The following SGCZ variants were observed in gnomAD, a reference collection of about 807,000 sequenced individuals.
SGCZ encodes the protein zeta-sarcoglycan.
In SGCZ, 40 loss-of-function variants were observed where a neutral mutation model predicts 41.3. The observed-to-expected ratio is 0.97, with a 90% confidence interval of 0.75 to 1.26. The LOEUF (loss-of-function observed/expected upper bound fraction) is 1.26. Ranked by LOEUF, SGCZ falls within the 50% of genes most tolerant of loss-of-function variation. The pLI, the probability that SGCZ is intolerant of heterozygous loss-of-function variation, is 0.00. For missense variants in SGCZ, 552 were observed against 369.8 expected (o/e 1.49, Z -4.04); for synonymous variants, 206 against 137.5 (o/e 1.50, Z -3.49).
intron 2 of SGCZ, among the ~76,000 whole-genome samples, chr8:14,365,706 A>G (rs1246061542): frequency 1.3e-5 from 2 of 152,138 alleles, no homozygotes; most frequent in Non-Finnish European, 2.9e-5. Flanking sequence ...AATAGGAAAT[A>G]GGTTTTTATC....
At chr8:14,891,208 G>A (rs1365303246) in intron 1 of SGCZ, among the ~76,000 whole-genome samples, 1 of 152,220 alleles carries the variant, frequency 6.6e-6, no homozygotes, top group Non-Finnish European at 1.5e-5. Context: ...GTCACAGATA[G>A]TAATTCCTCT....
rs368505620 is a variant in SGCZ at position 14,840,020 on chromosome 8, A to G, written c.40-285094T>C. On this transcript the variant is annotated intron_variant, in intron 1 of 7. Coordinates refer to ENST00000382080, the MANE Select transcript of SGCZ (RefSeq NM_139167.4). ...TGCCTTTGTTTTTACACCACTTTAC[A>G]CTACACCAGTAATGCGGAGAAACCA... 3.9e-5 allele frequency among the ~76,000 whole-genome samples: 6 copies of G among 152,176 alleles called. No homozygotes were observed. The East Asian group carries it at 9.7e-4, about 25-fold the overall frequency.
At chr8:14,915,043 A>T (rs1799390829) in intron 1 of SGCZ, among the ~76,000 whole-genome samples, 1 of 151,988 alleles carries the variant, frequency 6.6e-6, no homozygotes, top group African/African-American at 2.4e-5. Flanking sequence ...CAGTAAAAAT[A>T]TTTTTTTTCA....
chr8:15,062,045 C>A (rs1804958124), intron 1 of SGCZ, among the ~76,000 whole-genome samples: 1 of 152,132 alleles, frequency 6.6e-6, no homozygotes, highest in South Asian at 2.1e-4. Flanking sequence ...TGCACCAGAA[C>A]TGGAATATCT....
At chr8:14,359,270 G>A (rs1187506305) in intron 2 of SGCZ, among the ~76,000 whole-genome samples, 4 of 152,244 alleles carry the variant, frequency 2.6e-5, no homozygotes, top group South Asian at 2.1e-4. Context: ...AGGAGCTCCA[G>A]TATGTCTAGC....
intron 1 of SGCZ, among the ~76,000 whole-genome samples, chr8:15,157,325 G>A (rs912022577): frequency 2.6e-5 from 4 of 151,928 alleles, no homozygotes; most frequent in African/African-American, 9.7e-5. Context: ...TTGACCCCAG[G>A]AGCCCAGGAG....
chr8:15,097,193 G>A (rs80116646), intron 1 of SGCZ, among the ~76,000 whole-genome samples: 2 of 152,026 alleles, frequency 1.3e-5, no homozygotes, highest in African/African-American at 2.4e-5. Flanking sequence ...GTACCCTACC[G>A]ACAGTTTCAC....
chr8:15,129,946 A>C (rs1448308077), intron 1 of SGCZ, among the ~76,000 whole-genome samples: 1 of 152,060 alleles, frequency 6.6e-6, no homozygotes, highest in African/African-American at 2.4e-5. Context: ...ATACATATAC[A>C]TATGTATATA....
chr8:14,349,006 T>C (rs1253409461), intron 2 of SGCZ, among the ~76,000 whole-genome samples: 7 of 152,126 alleles, frequency 4.6e-5, no homozygotes, highest in Non-Finnish European at 8.8e-5. Flanking sequence ...AGAGTCATGT[T>C]CCAAACTAAT....
At chr8:14,342,386 G>A (rs775275661) in intron 2 of SGCZ, among the ~76,000 whole-genome samples, 3 of 151,912 alleles carry the variant, frequency 2.0e-5, no homozygotes, top group African/African-American at 4.8e-5. Context: ...GCGCTATCTC[G>A]GCTCACTGCA....
At chr8:15,045,140 T>C (rs1168610341) in intron 1 of SGCZ, among the ~76,000 whole-genome samples, 1 of 152,008 alleles carries the variant, frequency 6.6e-6, no homozygotes, top group Non-Finnish European at 1.5e-5. Flanking sequence ...TTATTTGGCA[T>C]TGTAAAATAC....
At chr8:15,071,783 C>G (rs926827684) in intron 1 of SGCZ, among the ~76,000 whole-genome samples, 1 of 151,932 alleles carries the variant, frequency 6.6e-6, no homozygotes, top group African/African-American at 2.4e-5. Flanking sequence ...CTGAGTGACT[C>G]TTCCCACAAA....
chr8:14,711,890 A>G (rs62495172), intron 1 of SGCZ, among the ~76,000 whole-genome samples: 27,454 of 152,096 alleles, frequency 0.18, 2,955 homozygotes, highest in East Asian at 0.31. Context: ...CAATATACTG[A>G]GGCAACTCCA....
At chr8:14,156,571 T>A (rs1017756094) in intron 5 of SGCZ, among the ~76,000 whole-genome samples, 2 of 152,234 alleles carry the variant, frequency 1.3e-5, no homozygotes, top group African/African-American at 4.8e-5. Flanking sequence ...ACTTTTTGAC[T>A]CTTTTGCAAA....
chr8:14,817,336 C>T (rs954852484), intron 1 of SGCZ, among the ~76,000 whole-genome samples: 1 of 151,944 alleles, frequency 6.6e-6, no homozygotes, highest in South Asian at 2.1e-4. Context: ...ACTACTGCCA[C>T]AAAATACAAG....
intron 3 of SGCZ, among the ~76,000 whole-genome samples, chr8:14,274,003 G>C (rs1217542558): frequency 6.6e-6 from 1 of 151,942 alleles, no homozygotes; most frequent in Admixed American, 6.6e-5. Context: ...CCTCCTGCTG[G>C]TATTTGTTAG....
chr8:14,467,302 T>G (rs892357806), intron 2 of SGCZ, among the ~76,000 whole-genome samples: 9 of 152,054 alleles, frequency 5.9e-5, no homozygotes, highest in African/African-American at 2.2e-4. Context: ...GCCCTTTTAA[T>G]TCCGTGAAAG....
At chr8:14,523,502 G>T (rs1225751429) in intron 2 of SGCZ, among the ~76,000 whole-genome samples, 2 of 151,828 alleles carry the variant, frequency 1.3e-5, no homozygotes, top group Non-Finnish European at 2.9e-5. Context: ...CTTTCTCCTG[G>T]TCGTGACGGT....
Position 14,274,828 on chromosome 8 carries a change from C to G in SGCZ, c.337-37149G>C, listed in dbSNP as rs1417668299. Among the ~76,000 whole-genome samples, 4 of 151,774 alleles carry G rather than the reference C, an allele frequency of 2.6e-5. No homozygotes were observed. The East Asian group carries it at 7.7e-4, about 29-fold the overall frequency. On this transcript the variant is annotated intron_variant, in intron 3 of 7. Coordinates refer to ENST00000382080, the MANE Select transcript of SGCZ (RefSeq NM_139167.4). ...AAATTATTAAAATCATAATATAGGT[C>G]TCATAATAATAATAGTGATAATTAT...
Sources: allele counts gnomAD v4.1 joint callset (sites outside exome capture counted in the v4.1 genomes callset), GRCh38; gene constraint gnomAD v4.1.1; transcripts MANE v1.5; gene names NCBI Gene and HGNC (gene_info 2026-07-23, HGNC 2026-07-21).